Variants in MYOF observed in about 807,000 individuals in gnomAD.
MYOF encodes the protein myoferlin, also known as fer-1-like 3, myoferlin.
Under a neutral mutation model 284.2 loss-of-function variants are expected in MYOF, and 244 were observed. That is an observed-to-expected ratio of 0.86 (90% CI 0.77 to 0.95). The LOEUF (loss-of-function observed/expected upper bound fraction) is 0.95. Among genes scored for constraint, MYOF ranks in the 40% least tolerant of loss-of-function variants. MYOF has a pLI of 0.00. For missense variants in MYOF, 2,496 were observed against 2,560.6 expected, an observed-to-expected ratio of 0.97 and a Z score of 0.54; for synonymous variants, 904 against 919.7, an observed-to-expected ratio of 0.98 and a Z score of 0.31.
chr10:93,358,508 A>G (rs887553258), intron 29 of MYOF, among the ~76,000 whole-genome samples: 1 of 152,218 alleles, frequency 6.6e-6, no homozygotes, highest in African/African-American at 2.4e-5. Flanking sequence ...GCATATTTTC[A>G]TTGCAGCACT....
intron 1 of MYOF, among the ~76,000 whole-genome samples, chr10:93,478,825 C>CAAAAAAAAAAA (rs796689657): frequency 1.9e-5 from 2 of 103,652 alleles, no homozygotes; most frequent in East Asian, 2.6e-4. Flanking sequence ...GAAACAGTCT[C>CAAAAAAAAAAA]AAAAAAAAAA....
At chr10:93,455,042 T>G (rs1214620957) in intron 2 of MYOF, among the ~76,000 whole-genome samples, 1 of 124,912 alleles carries the variant, frequency 8.0e-6, no homozygotes, top group East Asian at 2.7e-4. Flanking sequence ...ATGCGTGTAA[T>G]CCCAGGACTT....
chr10:93,342,694 A>T (rs1843978312), intron 38 of MYOF, among the ~76,000 whole-genome samples: 1 of 152,240 alleles, frequency 6.6e-6, no homozygotes, highest in Non-Finnish European at 1.5e-5. Context: ...TACTGAGTAC[A>T]CTGAAGGCAT....
intron 46 of MYOF, among the ~76,000 whole-genome samples, chr10:93,325,376 T>C (rs1168905370): frequency 6.6e-6 from 1 of 152,154 alleles, no homozygotes; most frequent in African/African-American, 2.4e-5. Context: ...GCTCAATCAC[T>C]TTCCCAGACC....
intron 3 of MYOF, among the ~76,000 whole-genome samples, chr10:93,449,140 T>C (rs1182366329): frequency 6.6e-6 from 1 of 152,222 alleles, no homozygotes; most frequent in African/African-American, 2.4e-5. Context: ...TGAGAGGTGC[T>C]GTAAGTGTGA....
chr10:93,426,065 GCTTA>G lies in MYOF; in HGVS notation c.433+2_433+5del. On this transcript the variant is annotated splice_donor_variant and splice_donor_5th_base_variant and intron_variant, in intron 5 of 53. Transcript: ENST00000359263. LOFTEE classifies it high-confidence loss of function. ...GGTGGCTGGGCCTTCAGAAGGGTCA[GCTTA>G]CCTCCCATGCCTGGCACGCTGGGCC... 1 of 1,552,584 alleles carries G rather than the reference GCTTA, an allele frequency of 6.4e-7. No homozygotes were observed. Among genetic ancestry groups the G allele is most frequent in the Non-Finnish European group, 8.7e-7 (1 of 1,147,946 alleles).
intron 4 of MYOF, among the ~76,000 whole-genome samples, chr10:93,428,566 A>AAC (rs58503520): frequency 0.067 from 9,660 of 143,752 alleles, 351 homozygotes; most frequent in East Asian, 0.18. Flanking sequence ...ACATCTGGTA[A>AAC]ACACACACAC....
intron 51 of MYOF, 76 bp downstream of exon 51, chr10:93,312,944 G>A: frequency 7.1e-7 from 1 of 1,416,712 alleles, no homozygotes; most frequent in Non-Finnish European, 9.6e-7. Context: ...TCTGGAGTAA[G>A]TCTATGGATA....
intron 41 of MYOF, among the ~76,000 whole-genome samples, chr10:93,335,210 A>G (rs1589405630): frequency 6.6e-6 from 1 of 152,238 alleles, no homozygotes; most frequent in East Asian, 1.9e-4. Flanking sequence ...CAGGGAAGGA[A>G]GAAGAGCCTG....
intron 1 of MYOF, among the ~76,000 whole-genome samples, chr10:93,467,432 C>T (rs1375127863): frequency 7.0e-6 from 1 of 143,464 alleles, no homozygotes; most frequent in South Asian, 2.2e-4. Context: ...TTTTTTTGTC[C>T]TTGCGATAGT....
chr10:93,442,986 C>T (rs772245715), intron 3 of MYOF, among the ~76,000 whole-genome samples: 1 of 151,588 alleles, frequency 6.6e-6, no homozygotes, highest in Non-Finnish European at 1.5e-5. Flanking sequence ...TGGTGAAACC[C>T]CGTCTCTGGT....
intron 17 of MYOF, 64 bp downstream of exon 17, chr10:93,392,853 C>T (rs1846766212): frequency 5.6e-6 from 8 of 1,432,970 alleles, no homozygotes; most frequent in African/African-American, 2.9e-5. Context: ...ACAGTCGATA[C>T]ATTCTTAATA....
chr10:93,387,737 C>T, intron 19 of MYOF, 60 bp downstream of exon 19: 4 of 1,421,472 alleles, frequency 2.8e-6, no homozygotes, highest in Non-Finnish European at 4.0e-6. Flanking sequence ...CCCAGCTACC[C>T]CTTCAGTCCC....
In MYOF at chr10:93,468,414, A is replaced by C. The variant is rs72819069; in HGVS notation, c.89-11477T>G. Among the ~76,000 whole-genome samples, 3 of 152,300 alleles carry C rather than the reference A, an allele frequency of 2.0e-5. No homozygotes were observed. In the South Asian group the frequency reaches 6.2e-4, roughly 32 times the overall value. On this transcript the variant is annotated intron_variant, in intron 1 of 53. Coordinates refer to ENST00000359263, the MANE Select transcript of MYOF (RefSeq NM_013451.4). ...GAAAGCATACCCATGCCCAAGACAC[A>C]GGGGACATTACCAGGTGTTGGAATC...
At chr10:93,405,444 G>C (rs1022909423) in intron 7 of MYOF, among the ~76,000 whole-genome samples, 1 of 152,040 alleles carries the variant, frequency 6.6e-6, no homozygotes, top group Non-Finnish European at 1.5e-5. Flanking sequence ...TTTGTTTCTT[G>C]TGTTTTTTCT....
chr10:93,387,266 G>A (rs993469234), intron 19 of MYOF, among the ~76,000 whole-genome samples: 27 of 152,338 alleles, frequency 1.8e-4, no homozygotes, highest in African/African-American at 6.3e-4. Flanking sequence ...GGAGGGCCGC[G>A]GGCAGAGGGG....
chr10:93,449,045 C>T (rs980314371), intron 3 of MYOF, among the ~76,000 whole-genome samples: 23 of 152,002 alleles, frequency 1.5e-4, no homozygotes, highest in African/African-American at 4.8e-5. Flanking sequence ...GTTTTAAGCC[C>T]AGGATCTGAA....
At chr10:93,423,525 GAAAAAAAAAAAAAA>G (rs59012520) in intron 5 of MYOF, among the ~76,000 whole-genome samples, 3 of 14,874 alleles carry the variant, frequency 2.0e-4, no homozygotes, top group South Asian at 2.3e-3. Flanking sequence ...GACTCCATCT[GAAAAAAAAAAAAAA>G]AAAAAAAAAA....
intron 3 of MYOF, among the ~76,000 whole-genome samples, chr10:93,450,190 G>T (rs1589589259): frequency 6.6e-6 from 1 of 152,120 alleles, no homozygotes; most frequent in South Asian, 2.1e-4. Context: ...TCAGGAGTTC[G>T]AGAACAGCCT....
Sources: gnomAD v4.1 joint callset for allele counts (sites outside exome capture counted in the v4.1 genomes callset) on GRCh38, gnomAD v4.1.1 for gene constraint, MANE v1.5 for transcripts, NCBI Gene and HGNC (gene_info 2026-07-23, HGNC 2026-07-21) for gene names.